Variants in PHEX observed in about 807,000 individuals in gnomAD.
PHEX encodes phosphate-regulating neutral endopeptidase PHEX.
In PHEX, 16 loss-of-function variants were observed where a neutral mutation model predicts 68.0. The ratio of observed to expected loss-of-function variants is 0.24; its 90% CI spans 0.16 to 0.36. The LOEUF (loss-of-function observed/expected upper bound fraction) is 0.36, where lower values mean the gene tolerates loss of function less well. PHEX is among the 10% of genes least tolerant of loss of function. PHEX has a pLI of 1.00. For missense variants in PHEX, 480 were observed against 575.5 expected (o/e 0.83, Z 1.70); for synonymous variants, 208 against 205.1 (o/e 1.01, Z -0.12).
At chrX:22,167,491 C>CTTTTTTTTTTTTTTTTTTTTTTTT (rs1164658740) in intron 12 of PHEX, among the ~76,000 whole-genome samples, 2 of 84,108 alleles carry the variant, frequency 2.4e-5, no homozygotes, top group South Asian at 5.4e-4. Flanking sequence ...TTTTTAATTT[C>CTTTTTTTTTTTTTTTTTTTTTTTT]TTTTTTTTTT....
intron 3 of PHEX, among the ~76,000 whole-genome samples, chrX:22,053,058 T>G (rs1427523836): frequency 8.9e-6 from 1 of 112,254 alleles, no homozygotes. Context: ...GTCCAGTTCC[T>G]GGCACATAGC....
At chrX:22,141,973 G>T (rs1353114257) in intron 12 of PHEX, among the ~76,000 whole-genome samples, 1 of 112,014 alleles carries the variant, frequency 8.9e-6, no homozygotes, top group Non-Finnish European at 1.9e-5. Flanking sequence ...ACTGTTGGCT[G>T]GGCACAGTGG....
chrX:22,133,999 C>T (rs908721910), intron 12 of PHEX, among the ~76,000 whole-genome samples: 7 of 111,431 alleles, frequency 6.3e-5, no homozygotes, highest in Admixed American at 5.7e-4. Context: ...CCTAAGACAC[C>T]AAAACGAAGA....
intron 12 of PHEX, among the ~76,000 whole-genome samples, chrX:22,139,420 G>A (rs1932364984): frequency 8.9e-6 from 1 of 112,068 alleles, no homozygotes; most frequent in African/African-American, 3.2e-5. Context: ...TTGTCGTTGT[G>A]ATATATATTT....
chrX:22,156,426 G>A (rs1398151959), intron 12 of PHEX, among the ~76,000 whole-genome samples: 1 of 108,920 alleles, frequency 9.2e-6, no homozygotes, highest in Non-Finnish European at 1.9e-5. Context: ...AGGCCGATAA[G>A]GGAAGCATGG....
intron 20 of PHEX, among the ~76,000 whole-genome samples, chrX:22,232,726 C>A (rs924843580): frequency 9.5e-6 from 1 of 105,263 alleles, no homozygotes; most frequent in African/African-American, 3.5e-5. Context: ...GAATACAGCA[C>A]ATTGATAGTT....
chrX:22,090,115 A>T (rs1929814704), intron 5 of PHEX, among the ~76,000 whole-genome samples: 1 of 112,303 alleles, frequency 8.9e-6, no homozygotes, highest in Non-Finnish European at 1.9e-5. Context: ...CTCCCATTGA[A>T]TAAGGGAGAA....
chrX:22,226,232 G>GAAAT (rs1935492019), intron 18 of PHEX, among the ~76,000 whole-genome samples: 1 of 111,301 alleles, frequency 9.0e-6, no homozygotes, highest in East Asian at 2.8e-4. Flanking sequence ...GTAGCATAAT[G>GAAAT]AAATAGAAAG....
At chrX:22,110,423 T>G in intron 9 of PHEX, among the ~76,000 whole-genome samples, 1 of 112,425 alleles carries the variant, frequency 8.9e-6, no homozygotes, top group East Asian at 2.8e-4. Flanking sequence ...TCAATGTTTT[T>G]GTAGACATAT....
intron 20 of PHEX, among the ~76,000 whole-genome samples, chrX:22,244,941 A>G (rs1936348932): frequency 8.9e-6 from 1 of 111,863 alleles, no homozygotes; most frequent in Non-Finnish European, 1.9e-5. Context: ...CTAACTTCTC[A>G]TCACCATCCT....
intron 5 of PHEX, among the ~76,000 whole-genome samples, chrX:22,087,345 T>C (rs1416249017): frequency 8.9e-6 from 1 of 111,855 alleles, no homozygotes; most frequent in African/African-American, 3.2e-5. Flanking sequence ...AGATTGGGAA[T>C]TGCAGTAGGA....
At chrX:22,229,019 A>C (rs1935612011) in intron 20 of PHEX, among the ~76,000 whole-genome samples, 1 of 111,487 alleles carries the variant, frequency 9.0e-6, no homozygotes, top group South Asian at 3.8e-4. Flanking sequence ...GCTGAGAATG[A>C]CGGTTTCCAG....
intron 15 of PHEX, among the ~76,000 whole-genome samples, chrX:22,207,632 G>A (rs1934752634): frequency 9.1e-6 from 1 of 110,351 alleles, no homozygotes; most frequent in Admixed American, 9.7e-5. Flanking sequence ...TAAGAAATAG[G>A]AGGTTTTTTA....
chrX:22,108,889 T>C, intron 9 of PHEX, among the ~76,000 whole-genome samples: 1 of 100,206 alleles, frequency 1.0e-5, no homozygotes, highest in Non-Finnish European at 2.0e-5. Context: ...TTGCAGTGAG[T>C]GGAGATCGCG....
chrX:22,193,340 C>T (rs763636721), intron 15 of PHEX, among the ~76,000 whole-genome samples: 18 of 111,081 alleles, frequency 1.6e-4, no homozygotes, highest in Non-Finnish European at 2.8e-4. Context: ...GAAAACATGA[C>T]GAAATTAATA....
At chrX:22,152,499 C>T (rs1328412527) in intron 12 of PHEX, among the ~76,000 whole-genome samples, 2 of 111,333 alleles carry the variant, frequency 1.8e-5, no homozygotes, top group South Asian at 3.8e-4. Flanking sequence ...TCTCTTACAT[C>T]GCATTCTCTC....
At chrX:22,176,039 C>G (rs1933682930) in intron 13 of PHEX, among the ~76,000 whole-genome samples, 3 of 111,161 alleles carry the variant, frequency 2.7e-5, no homozygotes, top group Non-Finnish European at 5.7e-5. Flanking sequence ...TAACAAGGTG[C>G]TTACTCTGTT....
At chrX:22,139,235 C>T (rs140417535) in intron 12 of PHEX, among the ~76,000 whole-genome samples, 1 of 111,456 alleles carries the variant, frequency 9.0e-6, no homozygotes, top group Non-Finnish European at 1.9e-5. Context: ...GAGAAAGGCT[C>T]CCCAAGTTGT....
At chrX:22,036,052 ATATTTTT>A (rs1926998715) in intron 1 of PHEX, among the ~76,000 whole-genome samples, 1 of 58,427 alleles carries the variant, frequency 1.7e-5, no homozygotes, top group Non-Finnish European at 3.0e-5. Flanking sequence ...ATATATATAT[ATATTTTT>A]TTTTTTTTTT....
Sources: gnomAD v4.1 joint callset for allele counts (sites outside exome capture counted in the v4.1 genomes callset) on GRCh38, gnomAD v4.1.1 for gene constraint, MANE v1.5 for transcripts, NCBI Gene and HGNC (gene_info 2026-07-23, HGNC 2026-07-21) for gene names.